The following CFAP206 variants were observed in gnomAD, a reference collection of about 807,000 sequenced individuals.
CFAP206 encodes the protein cilia and flagella associated protein 206, also known as cilia- and flagella-associated protein 206.
CFAP206 carries 53 observed loss-of-function variants against 65.4 expected under a neutral mutation model. The ratio of observed to expected loss-of-function variants is 0.81; its 90% CI spans 0.65 to 1.02. The LOEUF (loss-of-function observed/expected upper bound fraction) is 1.02, where lower values mean the gene tolerates loss of function less well. Among genes scored for constraint, CFAP206 ranks in the 50% least tolerant of loss-of-function variants. The pLI is 0.00. For synonymous variants in CFAP206, 250 were observed against 254.4 expected, an observed-to-expected ratio of 0.98 and a Z score of 0.17; for missense variants, 663 against 753.2, an observed-to-expected ratio of 0.88 and a Z score of 1.40.
At position 87,428,844 on chromosome 6, in the gene CFAP206, A is replaced by T; in HGVS notation, c.1159+20A>T. ...ACATGGGTAATGAAAATCATCCATT[A>T]TTTCCTCTTCTTTTTAAAATTACCT... is the stretch of plus-strand genomic sequence containing the variant. On this transcript the variant is annotated intron_variant, in intron 9 of 12. Coordinates refer to ENST00000369562, the MANE Select transcript of CFAP206 (RefSeq NM_001031743.3). 6.3e-7 allele frequency: 1 copy of T among 1,599,810 alleles called. No homozygotes were observed. Among genetic ancestry groups the T allele is most frequent in the Non-Finnish European group, 8.6e-7 (1 of 1,167,002 alleles).
At chr6:87,462,224 A>T (rs929755424) in intron 12 of CFAP206, among the ~76,000 whole-genome samples, 2 of 152,178 alleles carry the variant, frequency 1.3e-5, no homozygotes, top group Non-Finnish European at 2.9e-5. Context: ...GTCCATTTGT[A>T]TATTCAGTCC....
rs768666892 is a variant in CFAP206 at position 87,418,213 on chromosome 6, G to C, written c.637G>C (p.Ala213Pro). Residue 213 changes from alanine to proline, a missense_variant, in exon 7 of 13, where the codon GCT becomes CCT. Coordinates refer to ENST00000369562, the MANE Select transcript of CFAP206 (RefSeq NM_001031743.3). ...TTTCATACTCTTACAAACAGTGCCA[G>C]CTGTTCTCCATGTAGCAATCCCAGC... ...KGGEGIDDLP[A>P]VLHVAIPATM... is the part of the protein sequence containing the mutation. The C allele has an allele frequency of 6.2e-7, 1 of 1,614,006 alleles. No homozygotes were observed. The highest frequency in any genetic ancestry group is 1.1e-5 in the South Asian group (1 of 91,066).
At chr6:87,408,835 TG>T in intron 1 of CFAP206, 1 of 152,420 alleles carries the variant, frequency 6.6e-6, no homozygotes, top group African/African-American at 2.4e-5. Context: ...CTGGTTTCAC[TG>T]GACAAAATGC....
intron 11 of CFAP206, among the ~76,000 whole-genome samples, chr6:87,444,000 C>G (rs2127954768): frequency 6.6e-6 from 1 of 152,218 alleles, no homozygotes; most frequent in Non-Finnish European, 1.5e-5. Context: ...TTTTCTAATT[C>G]TCTTTAGCAT....
At chr6:87,456,408 G>C (rs946167023) in intron 11 of CFAP206, among the ~76,000 whole-genome samples, 69 of 152,254 alleles carry the variant, frequency 4.5e-4, no homozygotes, top group African/African-American at 1.7e-3. Flanking sequence ...AGACCCAGAG[G>C]TAGTATCATA....
intron 4 of CFAP206, among the ~76,000 whole-genome samples, chr6:87,414,570 G>T (rs1031371000): frequency 6.6e-6 from 1 of 152,178 alleles, no homozygotes. Context: ...AAAGTGCTGG[G>T]ATTATCAGTG....
chr6:87,437,423 G>A (rs1768290135), intron 11 of CFAP206, among the ~76,000 whole-genome samples: 1 of 151,852 alleles, frequency 6.6e-6, no homozygotes, highest in African/African-American at 2.4e-5. Context: ...TTGATTGGCA[G>A]TTCCTTGTCT....
intron 11 of CFAP206, among the ~76,000 whole-genome samples, chr6:87,449,257 A>T (rs1199112685): frequency 6.6e-6 from 1 of 152,036 alleles, no homozygotes; most frequent in Non-Finnish European, 1.5e-5. Context: ...TAACATGGTG[A>T]AACCCCGTCT....
intron 11 of CFAP206, among the ~76,000 whole-genome samples, chr6:87,442,376 T>C (rs1768373845): frequency 6.6e-6 from 1 of 152,190 alleles, no homozygotes; most frequent in South Asian, 2.1e-4. Flanking sequence ...TAGAGGCAGA[T>C]ACAGTTCAGT....
intron 3 of CFAP206, among the ~76,000 whole-genome samples, chr6:87,413,071 C>T (rs750771961): frequency 1.3e-5 from 2 of 152,204 alleles, no homozygotes; most frequent in Non-Finnish European, 2.9e-5. Flanking sequence ...GGAACATTTA[C>T]CCACATTTAG....
intron 11 of CFAP206, among the ~76,000 whole-genome samples, chr6:87,443,230 T>C (rs1768385712): frequency 6.6e-6 from 1 of 152,174 alleles, no homozygotes; most frequent in Admixed American, 6.5e-5. Context: ...TCAAATCATC[T>C]AAGTTTTTAA....
intron 11 of CFAP206, among the ~76,000 whole-genome samples, chr6:87,457,754 T>C (rs1768673577): frequency 2.0e-5 from 3 of 152,210 alleles, no homozygotes; most frequent in Admixed American, 2.0e-4. Flanking sequence ...CTCCAGGATA[T>C]TGGACTGGGC....
chr6:87,426,747 T>C (rs1232935949), intron 8 of CFAP206, 102 bp downstream of exon 8: 32 of 926,364 alleles, frequency 3.5e-5, no homozygotes, highest in Non-Finnish European at 4.2e-5. Flanking sequence ...TCTAAAAATA[T>C]AATGTTTTGT....
At chr6:87,429,841 TAA>T (rs1768127506) in intron 9 of CFAP206, among the ~76,000 whole-genome samples, 1 of 152,158 alleles carries the variant, frequency 6.6e-6, no homozygotes, top group South Asian at 2.1e-4. Flanking sequence ...TTAGAATTCA[TAA>T]AAACTGAAAA....
chr6:87,444,598 C>A, intron 11 of CFAP206: 1 of 308,962 alleles, frequency 3.2e-6, no homozygotes, highest in Non-Finnish European at 6.3e-6. Flanking sequence ...CCAGGCATTC[C>A]TTCATGAACA....
At chr6:87,454,076 G>A (rs1444951082) in intron 11 of CFAP206, among the ~76,000 whole-genome samples, 1 of 152,100 alleles carries the variant, frequency 6.6e-6, no homozygotes, top group Non-Finnish European at 1.5e-5. Flanking sequence ...AACCAAAAAA[G>A]AGCAGGAGTG....
At chr6:87,454,105 A>C (rs1166835690) in intron 11 of CFAP206, among the ~76,000 whole-genome samples, 1 of 152,232 alleles carries the variant, frequency 6.6e-6, no homozygotes. Flanking sequence ...TGTATCAGAT[A>C]AAATAGATTT....
intron 11 of CFAP206, chr6:87,444,699 C>CT (rs1768415297): frequency 5.7e-6 from 2 of 351,798 alleles, no homozygotes; most frequent in African/African-American, 4.3e-5. Flanking sequence ...TTTTCTGAGC[C>CT]TTTTTAACTA....
chr6:87,418,732 ATTGT>A (rs986580177), intron 7 of CFAP206, among the ~76,000 whole-genome samples: 2 of 152,230 alleles, frequency 1.3e-5, no homozygotes, highest in African/African-American at 2.4e-5. Flanking sequence ...AGTATGTAAC[ATTGT>A]TTGGCAGGTA....
Sources: gnomAD v4.1 joint callset for allele counts (sites outside exome capture counted in the v4.1 genomes callset) on GRCh38, gnomAD v4.1.1 for gene constraint, MANE v1.5 for transcripts, NCBI Gene and HGNC (gene_info 2026-07-23, HGNC 2026-07-21) for gene names.